Variants in AKT3 observed in about 807,000 individuals in gnomAD.
AKT3 encodes the protein AKT serine/threonine kinase 3, also known as RAC-gamma serine/threonine-protein kinase.
A neutral mutation model predicts 65.3 loss-of-function variants in AKT3; 15 were observed. That is an observed-to-expected ratio of 0.23 (90% CI 0.15 to 0.35). AKT3 has a LOEUF of 0.35. AKT3 is among the 10% of genes least tolerant of loss of function. The probability of loss-of-function intolerance (pLI) is 1.00; values close to 1 mark genes in which losing one functional copy is unlikely to be tolerated. For missense variants in AKT3, 243 were observed against 576.5 expected, an observed-to-expected ratio of 0.42 and a Z score of 5.92; for synonymous variants, 206 against 183.8, an observed-to-expected ratio of 1.12 and a Z score of -0.98.
At chr1:243,562,903 T>C (rs1016043400) in intron 10 of AKT3, among the ~76,000 whole-genome samples, 1 of 152,204 alleles carries the variant, frequency 6.6e-6, no homozygotes, top group Non-Finnish European at 1.5e-5. Flanking sequence ...CATTATTTTA[T>C]ATAAAATGGT....
At position 243,661,233 on chromosome 1, in the gene AKT3, A is replaced by G. The variant is rs575462761; in HGVS notation, c.284+3539T>C. ...TTTAAAGTACATATGGAACCAAAAAAGAGCCTGCATTGCCAAGTCAATCCT... is the reference window on the plus strand; with the variant it reads ...TTTAAAGTACATATGGAACCAAAAAGGAGCCTGCATTGCCAAGTCAATCCT... On this transcript the variant is annotated intron_variant, in intron 4 of 13. Transcript: ENST00000673466. Among the ~76,000 whole-genome samples, 52 of 152,354 alleles carry G rather than the reference A, an allele frequency of 3.4e-4. 1 individual carries two copies. Among genetic ancestry groups the G allele is most frequent in the African/African-American group, 1.2e-3 (50 of 41,584 alleles).
At chr1:243,724,886 A>G (rs1328358111) in intron 2 of AKT3, among the ~76,000 whole-genome samples, 2 of 152,154 alleles carry the variant, frequency 1.3e-5, no homozygotes, top group Non-Finnish European at 2.9e-5. Flanking sequence ...CCTACAATAT[A>G]GAAGAAAAAT....
intron 2 of AKT3, among the ~76,000 whole-genome samples, chr1:243,696,644 A>T (rs542918444): frequency 6.6e-6 from 1 of 152,124 alleles, no homozygotes; most frequent in Admixed American, 6.6e-5. Flanking sequence ...TTTCCCTACA[A>T]ATCAGCTTCT....
At chr1:243,833,997 C>T (rs538362030) in intron 2 of AKT3, among the ~76,000 whole-genome samples, 3 of 151,890 alleles carry the variant, frequency 2.0e-5, no homozygotes, top group African/African-American at 7.3e-5. Flanking sequence ...GCCACTGTGG[C>T]TGGGCTCATC....
chr1:243,676,268 T>C (rs1308806492), intron 3 of AKT3, among the ~76,000 whole-genome samples: 2 of 152,114 alleles, frequency 1.3e-5, no homozygotes, highest in Admixed American at 6.5e-5. Context: ...AGAATGAACA[T>C]TAAGTGCAGA....
intron 2 of AKT3, among the ~76,000 whole-genome samples, chr1:243,710,017 A>G (rs1229578290): frequency 1.3e-5 from 2 of 152,196 alleles, no homozygotes; most frequent in African/African-American, 2.4e-5. Context: ...AAAAAATTTA[A>G]GCCAAAACAT....
At chr1:243,521,898 A>G (rs1228027717) in intron 12 of AKT3, among the ~76,000 whole-genome samples, 12 of 152,236 alleles carry the variant, frequency 7.9e-5, no homozygotes, top group Admixed American at 7.9e-4. Context: ...TTTCTCATTC[A>G]AAAATAACTT....
chr1:243,515,919 A>G (rs943514841), intron 12 of AKT3, among the ~76,000 whole-genome samples: 4 of 151,830 alleles, frequency 2.6e-5, no homozygotes, highest in African/African-American at 9.7e-5. Context: ...GGAGCTTGCC[A>G]TGAGCTGAGA....
intron 12 of AKT3, among the ~76,000 whole-genome samples, chr1:243,524,795 T>G (rs903821951): frequency 1.3e-5 from 2 of 152,150 alleles, no homozygotes; most frequent in Non-Finnish European, 2.9e-5. Flanking sequence ...TCCATATAAC[T>G]GTAACCTCAG....
chr1:243,699,103 G>A (rs983596726), intron 2 of AKT3, among the ~76,000 whole-genome samples: 1 of 152,156 alleles, frequency 6.6e-6, no homozygotes, highest in East Asian at 1.9e-4. Flanking sequence ...GCTTTTATGA[G>A]GCTAAGTACC....
At chr1:243,721,750 GA>G (rs1686925786) in intron 2 of AKT3, among the ~76,000 whole-genome samples, 1 of 151,974 alleles carries the variant, frequency 6.6e-6, no homozygotes, top group Non-Finnish European at 1.5e-5. Context: ...CCTACTTTTA[GA>G]AGGTATCAAA....
At chr1:243,613,405 T>C (rs1678048207) in intron 8 of AKT3, among the ~76,000 whole-genome samples, 1 of 152,052 alleles carries the variant, frequency 6.6e-6, no homozygotes. Context: ...TCAAAAATCA[T>C]ACTTCTGTTA....
intron 12 of AKT3, among the ~76,000 whole-genome samples, chr1:243,518,108 G>A (rs112330506): frequency 3.3e-5 from 5 of 152,260 alleles, no homozygotes; most frequent in African/African-American, 9.6e-5. Flanking sequence ...TTGATCTCAA[G>A]GTCTTTTTAC....
chr1:243,505,084 G>A lies in AKT3; in HGVS notation c.*165C>T. ...AAAACTGGAGTGTATTTGCGTGTAT[G>A]TGTGTTTTCATGAGGGTGAAAGGTG... On this transcript the variant is annotated 3_prime_UTR_variant, in exon 14 of 14. Transcript: ENST00000673466. 1.7e-6 allele frequency: 1 copy of A among 604,808 alleles called. No homozygotes were observed. The highest frequency in any genetic ancestry group is 2.1e-5 in the South Asian group (1 of 48,088). 37.5% of individuals were successfully genotyped at this position (604,808 alleles called of 1,614,324 possible). A position where few individuals can be genotyped will look rare whatever the true frequency, so the allele number is the denominator to read the frequency against.
intron 10 of AKT3, among the ~76,000 whole-genome samples, chr1:243,559,322 C>T (rs1673614215): frequency 6.6e-6 from 1 of 152,044 alleles, no homozygotes; most frequent in Admixed American, 6.6e-5. Context: ...GTTAAAAACA[C>T]AAAACAAAAC....
intron 2 of AKT3, among the ~76,000 whole-genome samples, chr1:243,769,353 A>C (rs1368333019): frequency 1.3e-5 from 2 of 151,670 alleles, no homozygotes; most frequent in African/African-American, 4.9e-5. Context: ...GAGACCTACA[A>C]CTCTATGTTT....
intron 3 of AKT3, among the ~76,000 whole-genome samples, chr1:243,693,242 TGATATATATATA>T (rs1337377011): frequency 0.076 from 4,565 of 59,938 alleles, 776 homozygotes; most frequent in Admixed American, 0.13. Context: ...AGCTACAATT[TGATATATATATA>T]TATATATATA....
At chr1:243,618,895 A>C (rs1678537750) in intron 6 of AKT3, among the ~76,000 whole-genome samples, 1 of 152,002 alleles carries the variant, frequency 6.6e-6, no homozygotes, top group African/African-American at 2.4e-5. Context: ...AGAGGAGAAA[A>C]AGAAAATTTC....
chr1:243,818,924 G>C (rs1464612291), intron 2 of AKT3, among the ~76,000 whole-genome samples: 1 of 152,204 alleles, frequency 6.6e-6, no homozygotes, highest in Non-Finnish European at 1.5e-5. Context: ...AATGGAGAAA[G>C]GGGAGCTCCC....
Sources: gnomAD v4.1 joint callset for allele counts (sites outside exome capture counted in the v4.1 genomes callset) on GRCh38, gnomAD v4.1.1 for gene constraint, MANE v1.5 for transcripts, NCBI Gene and HGNC (gene_info 2026-07-23, HGNC 2026-07-21) for gene names.